Variants in RANBP2 observed in about 807,000 individuals in gnomAD.
The protein encoded by RANBP2 is RAN binding protein 2.
RANBP2 carries 57 observed loss-of-function variants against 303.6 expected under a neutral mutation model. The ratio of observed to expected loss-of-function variants is 0.19; its 90% CI spans 0.15 to 0.23. The LOEUF is 0.23. Ranked by LOEUF, RANBP2 falls within the 10% of genes least tolerant of loss-of-function variation. The pLI is 1.00. For missense variants in RANBP2, 3,138 were observed against 3,780.8 expected, an observed-to-expected ratio of 0.83 and a Z score of 4.46; for synonymous variants, 1,167 against 1,301.5, an observed-to-expected ratio of 0.90 and a Z score of 2.23.
the RANBP2 span, among the ~76,000 whole-genome samples, chr2:109,173,374 A>G: frequency 2.0e-5 from 3 of 152,116 alleles, no homozygotes; most frequent in Admixed American, 1.3e-4. Flanking sequence ...TGGGTTGTCT[A>G]TCGTGTGACT....
chr2:109,180,059 T>C, the RANBP2 span, among the ~76,000 whole-genome samples: 16 of 152,012 alleles, frequency 1.1e-4, no homozygotes, highest in Non-Finnish European at 2.4e-4. Flanking sequence ...TTGCTCTCTG[T>C]GGGGACCCAG....
At chr2:108,962,630 G>C in the RANBP2 span, among the ~76,000 whole-genome samples, 1 of 137,466 alleles carries the variant, frequency 7.3e-6, no homozygotes, top group Non-Finnish European at 1.5e-5. Context: ...AGCCGAGATC[G>C]CTCCACTGCC....
chr2:109,634,142 A>G, the RANBP2 span, among the ~76,000 whole-genome samples: 3,293 of 149,566 alleles, frequency 0.022, 67 homozygotes, highest in South Asian at 0.043. Context: ...AAAAAAAAAA[A>G]AAAAGAAAAG....
At chr2:109,554,346 G>A in the RANBP2 span, among the ~76,000 whole-genome samples, 3 of 152,076 alleles carry the variant, frequency 2.0e-5, no homozygotes, top group African/African-American at 2.4e-5. Flanking sequence ...TTTGTGTATC[G>A]TATACACAAT....
At chr2:109,072,379 A>G in the RANBP2 span, among the ~76,000 whole-genome samples, 1 of 152,204 alleles carries the variant, frequency 6.6e-6, no homozygotes, top group Non-Finnish European at 1.5e-5. Context: ...CTCACTCTCC[A>G]GGCTTTCCTG....
the RANBP2 span, among the ~76,000 whole-genome samples, chr2:108,795,354 C>A: frequency 6.6e-6 from 1 of 151,964 alleles, no homozygotes; most frequent in Non-Finnish European, 1.5e-5. Flanking sequence ...TGGGGTTTCA[C>A]CATGTTGGCT....
At chr2:109,605,720 G>A in the RANBP2 span, 4 of 152,122 alleles carry the variant, frequency 2.6e-5, no homozygotes, top group Non-Finnish European at 5.9e-5. Context: ...TTATAATGCT[G>A]TATTAGGTTC....
At chr2:109,713,749 G>A in the RANBP2 span, among the ~76,000 whole-genome samples, 1 of 152,096 alleles carries the variant, frequency 6.6e-6, no homozygotes, top group African/African-American at 2.4e-5. Context: ...GCCATTAAAG[G>A]GCATCTGCAA....
chr2:108,740,247 T>C (rs1695970305), intron 6 of RANBP2, among the ~76,000 whole-genome samples: 2 of 152,116 alleles, frequency 1.3e-5, no homozygotes, highest in African/African-American at 2.4e-5. Context: ...TATCCTGTGA[T>C]TGGAGGGCTG....
the RANBP2 span, among the ~76,000 whole-genome samples, chr2:108,851,595 G>GC: frequency 0.027 from 4,072 of 152,172 alleles, 166 homozygotes; most frequent in African/African-American, 0.093. Context: ...GAGCCACCGC[G>GC]CCCGGCCTTT....
chr2:108,852,606 A>G, the RANBP2 span, among the ~76,000 whole-genome samples: 2 of 152,352 alleles, frequency 1.3e-5, no homozygotes, highest in East Asian at 3.9e-4. Flanking sequence ...TTGCAGGGAC[A>G]TGGATGGACT....
chr2:108,944,507 A>G, the RANBP2 span, among the ~76,000 whole-genome samples: 1 of 152,182 alleles, frequency 6.6e-6, no homozygotes, highest in Non-Finnish European at 1.5e-5. Context: ...CTCTAACCTC[A>G]TGGGGCTGTT....
At chr2:109,302,293 C>A in the RANBP2 span, among the ~76,000 whole-genome samples, 1 of 152,148 alleles carries the variant, frequency 6.6e-6, no homozygotes, top group South Asian at 2.1e-4. Flanking sequence ...TGACTGTAAT[C>A]ATCCATAACA....
chr2:108,774,737 G>A (rs1475119772), intron 23 of RANBP2, among the ~76,000 whole-genome samples: 2 of 140,122 alleles, frequency 1.4e-5, no homozygotes, highest in South Asian at 2.2e-4. Flanking sequence ...AGACAGTCTC[G>A]CTCTGTCTCC....
At chr2:109,522,375 T>G in the RANBP2 span, among the ~76,000 whole-genome samples, 1 of 151,126 alleles carries the variant, frequency 6.6e-6, no homozygotes, top group South Asian at 2.1e-4. Context: ...CACTGCAACC[T>G]CTGCCTCCTG....
the RANBP2 span, among the ~76,000 whole-genome samples, chr2:109,593,409 CTT>C: frequency 1.5e-5 from 2 of 133,786 alleles, no homozygotes; most frequent in Non-Finnish European, 1.6e-5. Context: ...AGAGAAAGAA[CTT>C]TTTTTTTTTT....
chr2:109,009,799 G>A, the RANBP2 span, among the ~76,000 whole-genome samples: 6 of 146,788 alleles, frequency 4.1e-5, no homozygotes, highest in East Asian at 6.2e-4. Flanking sequence ...CTCCCACCTC[G>A]GCCTCCCAAG....
the RANBP2 span, among the ~76,000 whole-genome samples, chr2:109,268,108 A>G: frequency 1.3e-5 from 2 of 151,352 alleles, no homozygotes; most frequent in African/African-American, 2.4e-5. Flanking sequence ...ATGGGGAGGA[A>G]GGGGCTGGGT....
chr2:108,834,912 A>G, the RANBP2 span, among the ~76,000 whole-genome samples: 3 of 152,222 alleles, frequency 2.0e-5, no homozygotes, highest in African/African-American at 4.8e-5. Flanking sequence ...TCTTCTCTTG[A>G]TATTTCTTTT....
Sources: allele counts gnomAD v4.1 joint callset (sites outside exome capture counted in the v4.1 genomes callset), GRCh38; gene constraint gnomAD v4.1.1; transcripts MANE v1.5; gene names NCBI Gene and HGNC (gene_info 2026-07-23, HGNC 2026-07-21).